MARF1: variants seen among roughly 807,000 people sequenced by gnomAD.
The protein encoded by MARF1 is meiosis regulator and mRNA stability factor 1, also known as limkain-b1.
Under a neutral mutation model 168.2 loss-of-function variants are expected in MARF1, and 24 were observed. That is an observed-to-expected ratio of 0.14 (90% CI 0.10 to 0.20). The LOEUF is 0.20. Among genes scored for constraint, MARF1 ranks in the 10% least tolerant of loss-of-function variants. The pLI is 1.00. For missense variants in MARF1, 1,744 were observed against 2,143.6 expected (o/e 0.81, Z 3.68); for synonymous variants, 868 against 822.4 (o/e 1.06, Z -0.95).
chr16:15,630,225 A>G, intron 7 of MARF1, 107 bp downstream of exon 7: 1 of 963,224 alleles, frequency 1.0e-6, no homozygotes, highest in African/African-American at 1.6e-5. Context: ...CCCACCTCTT[A>G]CAAAGAACAG....
chr16:15,630,987 G>A (rs1023443552), intron 6 of MARF1, among the ~76,000 whole-genome samples: 1 of 151,958 alleles, frequency 6.6e-6, no homozygotes, highest in African/African-American at 2.4e-5. Flanking sequence ...AAAATTAGCT[G>A]GGCGTGGTGG....
At chr16:15,603,187 G>A (rs944115783) in intron 22 of MARF1, among the ~76,000 whole-genome samples, 5 of 152,072 alleles carry the variant, frequency 3.3e-5, no homozygotes, top group Non-Finnish European at 5.9e-5. Context: ...AGATGATAAT[G>A]GCATATCATT....
At chr16:15,607,025 C>T (rs1472175705) in intron 21 of MARF1, among the ~76,000 whole-genome samples, 1 of 152,118 alleles carries the variant, frequency 6.6e-6, no homozygotes, top group African/African-American at 2.4e-5. Context: ...CCAGCAGCAC[C>T]GACTCTTCCC....
chr16:15,621,997 A>T (rs2034495105), intron 11 of MARF1, 86 bp from the exon 12 acceptor site: 1 of 1,248,918 alleles, frequency 8.0e-7, no homozygotes, highest in Non-Finnish European at 1.1e-6. Context: ...GAAGGAACAC[A>T]TTTGTCGACT....
chr16:15,620,718 C>T (rs1178908815), intron 12 of MARF1, among the ~76,000 whole-genome samples, 187 bp from the exon 13 acceptor site: 3 of 152,102 alleles, frequency 2.0e-5, no homozygotes, highest in Non-Finnish European at 2.9e-5. Context: ...AAGAAGATTA[C>T]GTTACACAGT....
At chr16:15,602,565 CAA>C (rs757476743) in intron 22 of MARF1, 23 of 421,466 alleles carry the variant, frequency 5.5e-5, no homozygotes, top group South Asian at 3.0e-4. Flanking sequence ...TGGACAAAGA[CAA>C]AGATGAAGAA....
At chr16:15,630,230 G>T in intron 7 of MARF1, 102 bp downstream of exon 7, 1 of 1,050,646 alleles carries the variant, frequency 9.5e-7, no homozygotes, top group Non-Finnish European at 1.4e-6. Flanking sequence ...CTCTTACAAA[G>T]AACAGCCCCA....
chr16:15,622,961 C>A lies in MARF1; in HGVS notation c.2433G>T (p.Leu811=), dbSNP rs765680595. The change falls in exon 11 of 27, where the codon CTG becomes CTT. Residue 811 remains leucine (L), a synonymous_variant. Transcript: ENST00000396368. ...RLSRKELQQL[L]QEAFARHGKV... is the part of the protein sequence containing the mutation. ...TGCCATGCCTGGCAAATGCTTCCTG[C>A]AGGAGCTGCTGCAGCTCCTTCCGGG... 1.3e-6 allele frequency: 2 copies of A among 1,581,592 alleles called. No individual in the cohort carries two copies. The highest frequency in any genetic ancestry group is 3.4e-5 in the Admixed American group (2 of 58,774).
chr16:15,601,645 G>A (rs2032440046), intron 23 of MARF1: 1 of 391,422 alleles, frequency 2.6e-6, no homozygotes, highest in Non-Finnish European at 4.7e-6. Flanking sequence ...GGCTCCCCAG[G>A]CTTGGGAAGT....
chr16:15,626,537 A>T (rs938876359), intron 7 of MARF1, among the ~76,000 whole-genome samples: 16 of 152,190 alleles, frequency 1.1e-4, no homozygotes, highest in Admixed American at 4.6e-4. Context: ...GTAAACAAAA[A>T]TTTTTTTAAA....
At chr16:15,626,370 T>C (rs2034842435) in intron 7 of MARF1, among the ~76,000 whole-genome samples, 1 of 152,216 alleles carries the variant, frequency 6.6e-6, no homozygotes, top group South Asian at 2.1e-4. Flanking sequence ...AATTTTGTAA[T>C]ATGTAAATCA....
chr16:15,606,518 C>T (rs1254925226), intron 21 of MARF1, among the ~76,000 whole-genome samples: 1 of 152,152 alleles, frequency 6.6e-6, no homozygotes, highest in African/African-American at 2.4e-5. Context: ...TCTCCCCACT[C>T]CTAAGTCCTG....
chr16:15,638,788 A>G (rs2035764195), intron 2 of MARF1, among the ~76,000 whole-genome samples: 1 of 152,148 alleles, frequency 6.6e-6, no homozygotes, highest in African/African-American at 2.4e-5. Flanking sequence ...TTTTCCTCTG[A>G]TTTTACTCCA....
intron 15 of MARF1, chr16:15,616,703 C>T (rs1172929967): frequency 4.8e-6 from 1 of 210,238 alleles, no homozygotes; most frequent in African/African-American, 2.3e-5. Context: ...GCCCACTGCA[C>T]ACCTAGGCTG....
chr16:15,633,150 C>T (rs374812942), intron 5 of MARF1, among the ~76,000 whole-genome samples: 11 of 145,146 alleles, frequency 7.6e-5, no homozygotes, highest in Non-Finnish European at 1.1e-4. Flanking sequence ...AATTTTCAAT[C>T]AGAATTCTAA....
intron 7 of MARF1, among the ~76,000 whole-genome samples, chr16:15,628,011 A>G (rs2034993441): frequency 6.6e-6 from 1 of 152,208 alleles, no homozygotes; most frequent in Non-Finnish European, 1.5e-5. Context: ...CTAAAGATAT[A>G]AATTACCTTG....
chr16:15,632,273 A>G (rs2035303778), intron 5 of MARF1, among the ~76,000 whole-genome samples: 1 of 152,244 alleles, frequency 6.6e-6, no homozygotes, highest in African/African-American at 2.4e-5. Flanking sequence ...GGTAAAGATC[A>G]GACAAATGAC....
chr16:15,618,822 A>C (rs2034249821), intron 13 of MARF1, among the ~76,000 whole-genome samples: 1 of 152,010 alleles, frequency 6.6e-6, no homozygotes, highest in African/African-American at 2.4e-5. Context: ...GGCCCCTAAA[A>C]CCTGAATGTC....
intron 21 of MARF1, 59 bp downstream of exon 21, chr16:15,608,232 A>T: frequency 9.2e-7 from 1 of 1,088,004 alleles, no homozygotes; most frequent in Non-Finnish European, 1.3e-6. Context: ...AATGAGAATT[A>T]GGTCACTGTG....
Sources: gnomAD v4.1 joint callset for allele counts (sites outside exome capture counted in the v4.1 genomes callset) on GRCh38, gnomAD v4.1.1 for gene constraint, MANE v1.5 for transcripts, NCBI Gene and HGNC (gene_info 2026-07-23, HGNC 2026-07-21) for gene names.